BABAM2: variants seen among roughly 807,000 people sequenced by gnomAD.
BABAM2 encodes BRISC and BRCA1-A complex member 2.
A neutral mutation model predicts 54.7 loss-of-function variants in BABAM2; 31 were observed. The observed-to-expected ratio is 0.57, with a 90% confidence interval of 0.43 to 0.77. The LOEUF is 0.77. BABAM2 is among the 30% of genes least tolerant of loss of function. The pLI is 0.00. For synonymous variants in BABAM2, 167 were observed against 162.9 expected, an observed-to-expected ratio of 1.03 and a Z score of -0.19; for missense variants, 364 against 455.8, an observed-to-expected ratio of 0.80 and a Z score of 1.83.
At chr2:27,994,379 A>G (rs1190982556) in intron 4 of BABAM2, among the ~76,000 whole-genome samples, 1 of 152,338 alleles carries the variant, frequency 6.6e-6, no homozygotes, top group South Asian at 2.1e-4. Flanking sequence ...TAGCATGGTG[A>G]ATTTCCAAAA....
intron 7 of BABAM2, among the ~76,000 whole-genome samples, chr2:28,236,568 G>A (rs947508270): frequency 1.3e-5 from 2 of 152,012 alleles, no homozygotes; most frequent in African/African-American, 4.8e-5. Context: ...GTTTCATCAT[G>A]TTAGCCAGGC....
At chr2:28,130,724 T>A (rs1669956724) in intron 7 of BABAM2, among the ~76,000 whole-genome samples, 1 of 151,022 alleles carries the variant, frequency 6.6e-6, no homozygotes, top group South Asian at 2.1e-4. Flanking sequence ...AAAGAATGTT[T>A]CTGTTTTTTG....
intron 11 of BABAM2, among the ~76,000 whole-genome samples, chr2:28,319,764 T>C (rs1371506993): frequency 6.6e-6 from 1 of 152,234 alleles, no homozygotes; most frequent in African/African-American, 2.4e-5. Flanking sequence ...GCCCAAGCCT[T>C]GGCTCCTCCT....
chr2:27,942,131 G>T (rs57403744), intron 3 of BABAM2, among the ~76,000 whole-genome samples: 1 of 152,104 alleles, frequency 6.6e-6, no homozygotes, highest in Non-Finnish European at 1.5e-5. Context: ...AATAAACTGA[G>T]AATGCTGCTC....
intron 6 of BABAM2, among the ~76,000 whole-genome samples, chr2:28,051,684 T>C (rs1678008711): frequency 6.6e-6 from 1 of 152,040 alleles, no homozygotes; most frequent in South Asian, 2.1e-4. Flanking sequence ...GTTTTGCTCT[T>C]GTCGCCCAGG....
intron 7 of BABAM2, among the ~76,000 whole-genome samples, chr2:28,180,511 A>G (rs1330194253): frequency 6.6e-6 from 1 of 152,150 alleles, no homozygotes; most frequent in Non-Finnish European, 1.5e-5. Context: ...CTATAAAACT[A>G]CTAGAAGAAA....
intron 6 of BABAM2, among the ~76,000 whole-genome samples, chr2:28,051,740 C>T (rs548043159): frequency 6.6e-5 from 10 of 152,108 alleles, no homozygotes. Flanking sequence ...CCTCCACCTC[C>T]CAGGTTCAAG....
chr2:28,202,617 T>A (rs1422887703), intron 7 of BABAM2, among the ~76,000 whole-genome samples: 1 of 152,150 alleles, frequency 6.6e-6, no homozygotes, highest in Non-Finnish European at 1.5e-5. Flanking sequence ...GATGGGAACA[T>A]TTTAGTTGGG....
At chr2:28,159,896 A>T (rs866580852) in intron 7 of BABAM2, among the ~76,000 whole-genome samples, 1 of 152,116 alleles carries the variant, frequency 6.6e-6, no homozygotes, top group African/African-American at 2.4e-5. Context: ...AAAAAAAAAA[A>T]ATTGCCAGAA....
intron 4 of BABAM2, among the ~76,000 whole-genome samples, chr2:28,015,555 T>C (rs1250776697): frequency 2.6e-5 from 4 of 152,136 alleles, no homozygotes; most frequent in Middle Eastern, 3.4e-3. Context: ...GAGAAAAAAA[T>C]AGATGTTCAA....
chr2:28,304,557 T>A lies in BABAM2; in HGVS notation c.1088+6066T>A, dbSNP rs1490153543. 2.6e-5 allele frequency among the ~76,000 whole-genome samples: 4 copies of A among 151,902 alleles called. No individual in the cohort carries two copies. The highest frequency in any genetic ancestry group is 2.1e-4 in the South Asian group (1 of 4,826). ...TACTACTAAAATCTAATAGATTTTT[T>A]AAATAGATTTCTTATAATTTCTTTT... On this transcript the variant is annotated intron_variant, in intron 11 of 11. Transcript: ENST00000379624. The surrounding 1 kb of genome is among the most constrained non-coding windows in gnomAD (Gnocchi z 4.0).
At chr2:28,246,659 A>G (rs762225214) in intron 10 of BABAM2, among the ~76,000 whole-genome samples, 3 of 152,184 alleles carry the variant, frequency 2.0e-5, no homozygotes, top group Non-Finnish European at 4.4e-5. Flanking sequence ...TTTTTCCTGA[A>G]TCTTTAGTCT....
At chr2:27,891,927 A>G (rs777934990) in intron 1 of BABAM2, among the ~76,000 whole-genome samples, 1 of 152,154 alleles carries the variant, frequency 6.6e-6, no homozygotes, top group Non-Finnish European at 1.5e-5. Flanking sequence ...ACATTTGACT[A>G]GTGAATCACT....
intron 7 of BABAM2, among the ~76,000 whole-genome samples, chr2:28,155,477 G>A (rs1672462183): frequency 6.6e-6 from 1 of 152,150 alleles, no homozygotes; most frequent in Admixed American, 6.5e-5. Flanking sequence ...AATGCAAGCA[G>A]ATGAGAATCC....
intron 3 of BABAM2, among the ~76,000 whole-genome samples, chr2:27,953,659 T>A (rs968958702): frequency 2.5e-4 from 37 of 150,738 alleles, no homozygotes; most frequent in Admixed American, 4.6e-4. Context: ...AAAAAAAAAA[T>A]ATTTCTTTTT....
At chr2:28,182,860 CTGT>C (rs1675797184) in intron 7 of BABAM2, among the ~76,000 whole-genome samples, 1 of 152,158 alleles carries the variant, frequency 6.6e-6, no homozygotes, top group Admixed American at 6.5e-5. Context: ...AGTATATCTG[CTGT>C]TGTTTGATTA....
intron 2 of BABAM2, among the ~76,000 whole-genome samples, chr2:27,911,811 AT>A (rs1465167126): frequency 6.6e-6 from 1 of 152,202 alleles, no homozygotes; most frequent in Admixed American, 6.5e-5. Context: ...ACTAGCAGCC[AT>A]TTATATGATT....
In BABAM2 at chr2:27,903,311, A is replaced by G. The variant is rs976782536; in HGVS notation, c.128+8627A>G. ...CCAGTAGGACAAATTCCCCCCTTCC[A>G]TCTTGTTCTAATTCTTAAAAATTGT... On this transcript the variant is annotated intron_variant, in intron 2 of 11. Transcript: ENST00000379624. 3.9e-5 allele frequency among the ~76,000 whole-genome samples: 6 copies of G among 152,186 alleles called. No individual in the cohort carries two copies. In the South Asian group the frequency reaches 1.2e-3, roughly 32 times the overall value.
chr2:28,090,431 G>T (rs1180499265), intron 6 of BABAM2, among the ~76,000 whole-genome samples: 1 of 152,056 alleles, frequency 6.6e-6, no homozygotes, highest in Non-Finnish European at 1.5e-5. Flanking sequence ...TTTTAGTAGA[G>T]ATGGGTTTCA....
Sources: gnomAD v4.1 joint callset for allele counts (sites outside exome capture counted in the v4.1 genomes callset) on GRCh38, gnomAD v4.1.1 for gene constraint, Gnocchi (gnomAD v3.1) non-coding constraint, MANE v1.5 for transcripts, NCBI Gene and HGNC (gene_info 2026-07-23, HGNC 2026-07-21) for gene names.